KCND2: variants seen among roughly 807,000 people sequenced by gnomAD.
The protein encoded by KCND2 is A-type voltage-gated potassium channel KCND2.
A neutral mutation model predicts 54.4 loss-of-function variants in KCND2; 16 were observed. That is an observed-to-expected ratio of 0.29 (90% CI 0.20 to 0.45). KCND2 has a LOEUF of 0.45. Among genes scored for constraint, KCND2 ranks in the 20% least tolerant of loss-of-function variants. The pLI is 1.00. For missense variants in KCND2, 486 were observed against 824.2 expected (o/e 0.59, Z 5.02); for synonymous variants, 317 against 310.7 (o/e 1.02, Z -0.21).
At chr7:120,401,492 T>A (rs1025231896) in intron 1 of KCND2, among the ~76,000 whole-genome samples, 1 of 152,160 alleles carries the variant, frequency 6.6e-6, no homozygotes, top group Non-Finnish European at 1.5e-5. Flanking sequence ...CCAGTTCTAC[T>A]AAATCAGTAT....
At chr7:120,630,207 C>G (rs1290086981) in intron 1 of KCND2, among the ~76,000 whole-genome samples, 1 of 152,244 alleles carries the variant, frequency 6.6e-6, no homozygotes, top group Admixed American at 6.5e-5. Context: ...CAGACACAAA[C>G]AGTAGTGACC....
rs140730103 is a variant in KCND2 at position 120,581,822 on chromosome 7, C to T, written c.1116-151081C>T. On this transcript the variant is annotated intron_variant, in intron 1 of 5. Coordinates refer to ENST00000331113, the MANE Select transcript of KCND2 (RefSeq NM_012281.3). Reference sequence around the variant, plus strand: ...CACCTCCTGCGTTCATGCAATTCTCCTGCCTCAGCAGCCCAAGTAGCTGGG... The same window carrying T: ...CACCTCCTGCGTTCATGCAATTCTCTTGCCTCAGCAGCCCAAGTAGCTGGG... Among the ~76,000 whole-genome samples, 1,012 of 152,118 alleles carry T rather than the reference C, an allele frequency of 6.7e-3. 11 individuals carry two copies. The highest frequency in any genetic ancestry group is 0.01 in the Non-Finnish European group (705 of 67,998).
At chr7:120,655,256 A>G (rs1562900066) in intron 1 of KCND2, among the ~76,000 whole-genome samples, 2 of 152,112 alleles carry the variant, frequency 1.3e-5, no homozygotes, top group Admixed American at 6.5e-5. Context: ...AGCATCAGCT[A>G]TAAAAAAGGG....
chr7:120,494,351 G>A (rs1802822091), intron 1 of KCND2, among the ~76,000 whole-genome samples: 1 of 151,964 alleles, frequency 6.6e-6, no homozygotes, highest in Admixed American at 6.6e-5. Context: ...ATGTTTGAAA[G>A]GAAACAATTT....
intron 1 of KCND2, among the ~76,000 whole-genome samples, chr7:120,468,664 A>G (rs1046315640): frequency 2.0e-5 from 3 of 152,170 alleles, no homozygotes; most frequent in East Asian, 3.8e-4. Context: ...GCCTATCTAT[A>G]TGCCACGATT....
intron 1 of KCND2, among the ~76,000 whole-genome samples, chr7:120,401,229 G>C (rs994774266): frequency 1.3e-5 from 2 of 152,106 alleles, no homozygotes; most frequent in African/African-American, 4.8e-5. Flanking sequence ...TACAGACCAT[G>C]CAGCTGTACT....
At chr7:120,560,164 G>A (rs1478691990) in intron 1 of KCND2, among the ~76,000 whole-genome samples, 1 of 152,142 alleles carries the variant, frequency 6.6e-6, no homozygotes, top group Non-Finnish European at 1.5e-5. Context: ...TAACTCATAA[G>A]TAATTCAACA....
chr7:120,274,607 CCTT>C lies in KCND2; in HGVS notation c.-21_-19del. On this transcript the variant is annotated 5_prime_UTR_variant, in exon 1 of 6. Transcript: ENST00000331113. ...TGACCCATTGTAGACGCCTCGTTACCCTTCTTCCTTCCGCTTCAAGTAATCATG... is the reference window on the plus strand; with the variant it reads ...TGACCCATTGTAGACGCCTCGTTACCCTTCCTTCCGCTTCAAGTAATCATG... 2 of 1,614,112 alleles carry C rather than the reference CCTT, an allele frequency of 1.2e-6. No homozygotes were observed. The highest frequency in any genetic ancestry group is 1.1e-5 in the South Asian group (1 of 91,074).
chr7:120,727,993 G>T (rs1311536759), intron 1 of KCND2, among the ~76,000 whole-genome samples: 3 of 151,628 alleles, frequency 2.0e-5, no homozygotes, highest in African/African-American at 7.3e-5. Flanking sequence ...AATTAGCTGG[G>T]TGTGGTGGCA....
Position 120,678,097 on chromosome 7 carries a change from A to G in KCND2, c.1116-54806A>G, listed in dbSNP as rs182414541. On this transcript the variant is annotated intron_variant, in intron 1 of 5. Coordinates refer to ENST00000331113, the MANE Select transcript of KCND2 (RefSeq NM_012281.3). ...ATCCTTCAAGCCATTTACTGCAAAT[A>G]ATAAGCCTTATCAGAACAGAATACA... Among the ~76,000 whole-genome samples the G allele has an allele frequency of 2.8e-3, 421 of 152,008 alleles. 2 individuals carry two copies. The highest frequency in any genetic ancestry group is 6.8e-3 in the Middle Eastern group (2 of 294).
chr7:120,493,283 G>A (rs1241759012), intron 1 of KCND2, among the ~76,000 whole-genome samples: 1 of 151,534 alleles, frequency 6.6e-6, no homozygotes, highest in African/African-American at 2.4e-5. Flanking sequence ...TAAGCATCCT[G>A]TAAAGCAATG....
intron 1 of KCND2, among the ~76,000 whole-genome samples, chr7:120,559,725 C>G (rs1034140561): frequency 6.6e-6 from 1 of 152,106 alleles, no homozygotes; most frequent in Non-Finnish European, 1.5e-5. Flanking sequence ...AGGGCAGATT[C>G]CAGTCTATGA....
At chr7:120,378,163 A>G (rs1800862844) in intron 1 of KCND2, among the ~76,000 whole-genome samples, 1 of 151,862 alleles carries the variant, frequency 6.6e-6, no homozygotes, top group Non-Finnish European at 1.5e-5. Context: ...GTGTGTGTGT[A>G]ATCTTAAATA....
chr7:120,736,347 A>C (rs1792870195), intron 2 of KCND2, among the ~76,000 whole-genome samples: 1 of 151,920 alleles, frequency 6.6e-6, no homozygotes, highest in African/African-American at 2.4e-5. Flanking sequence ...GTCTTAACTA[A>C]ATACTGACAT....
chr7:120,485,130 C>T (rs1242827772), intron 1 of KCND2, among the ~76,000 whole-genome samples: 2 of 152,094 alleles, frequency 1.3e-5, no homozygotes, highest in African/African-American at 4.8e-5. Flanking sequence ...TCAAGTGATC[C>T]TCCAGCCTCA....
chr7:120,329,796 C>T (rs1176067928), intron 1 of KCND2, among the ~76,000 whole-genome samples: 1 of 152,108 alleles, frequency 6.6e-6, no homozygotes, highest in African/African-American at 2.4e-5. Context: ...GTACTTTCTG[C>T]TATTATCCAT....
At chr7:120,324,016 T>A (rs1423149632) in intron 1 of KCND2, among the ~76,000 whole-genome samples, 10 of 147,260 alleles carry the variant, frequency 6.8e-5, no homozygotes, top group Non-Finnish European at 1.2e-4. Flanking sequence ...TGGTATCTCA[T>A]TGTGGTTTTG....
chr7:120,284,040 C>T (rs1044888644), intron 1 of KCND2, among the ~76,000 whole-genome samples: 1 of 152,130 alleles, frequency 6.6e-6, no homozygotes, highest in Non-Finnish European at 1.5e-5. Context: ...ATTGGAAATA[C>T]ATGGGTTTGG....
At chr7:120,367,222 T>G (rs2116409935) in intron 1 of KCND2, among the ~76,000 whole-genome samples, 1 of 152,224 alleles carries the variant, frequency 6.6e-6, no homozygotes, top group Admixed American at 6.6e-5. Flanking sequence ...ATAGAAGAAT[T>G]TAGGGTTTGA....
Sources: allele counts gnomAD v4.1 joint callset (sites outside exome capture counted in the v4.1 genomes callset), GRCh38; gene constraint gnomAD v4.1.1; transcripts MANE v1.5; gene names NCBI Gene and HGNC (gene_info 2026-07-23, HGNC 2026-07-21).